DAOA: variants seen among roughly 807,000 people sequenced by gnomAD.
DAOA encodes D-amino acid oxidase activator, also known as D-amino acid oxidase regulator.
Under a neutral mutation model 16.4 loss-of-function variants are expected in DAOA, and 15 were observed. The ratio of observed to expected loss-of-function variants is 0.91; its 90% CI spans 0.61 to 1.41. DAOA has a LOEUF of 1.41. DAOA is among the 40% of genes most tolerant of loss of function. The pLI, the probability that DAOA is intolerant of heterozygous loss-of-function variation, is 0.00. For synonymous variants in DAOA, 75 were observed against 59.1 expected (o/e 1.27, Z -1.23); for missense variants, 230 against 176.8 (o/e 1.30, Z -1.71).
intron 4 of DAOA, among the ~76,000 whole-genome samples, chr13:105,475,503 G>A (rs1054516141): frequency 1.4e-5 from 2 of 146,064 alleles, no homozygotes; most frequent in Non-Finnish European, 2.9e-5. Flanking sequence ...GAGGAGTTAC[G>A]TTTTATGAGA....
chr13:105,466,971 T>C, intron 2 of DAOA, 82 bp from the exon 3 acceptor site: 2 of 1,496,982 alleles, frequency 1.3e-6, no homozygotes, highest in East Asian at 2.4e-5. Context: ...TGTTATATGC[T>C]CCATTGATGT....
chr13:105,472,066 G>A (rs753226600), intron 3 of DAOA, among the ~76,000 whole-genome samples: 11 of 152,168 alleles, frequency 7.2e-5, no homozygotes, highest in Admixed American at 2.0e-4. Flanking sequence ...GGTCAACACC[G>A]GAGGAAAGGC....
At chr13:105,487,661 A>G (rs1029861491) in intron 4 of DAOA, among the ~76,000 whole-genome samples, 1 of 152,146 alleles carries the variant, frequency 6.6e-6, no homozygotes, top group Non-Finnish European at 1.5e-5. Flanking sequence ...TCATTATTTG[A>G]AGTGAAAACT....
intron 4 of DAOA, among the ~76,000 whole-genome samples, chr13:105,473,075 A>T (rs947170528): frequency 3.9e-5 from 6 of 152,076 alleles, no homozygotes; most frequent in African/African-American, 1.4e-4. Context: ...ATTGAGAGGG[A>T]AATATGTGAA....
chr13:105,473,057 T>C (rs1341400), intron 4 of DAOA, among the ~76,000 whole-genome samples: 149,259 of 152,140 alleles, frequency 0.98, 73,264 homozygotes, highest in East Asian at 1. Flanking sequence ...CTTTAGAACC[T>C]CAAGGCTATT....
intron 4 of DAOA, among the ~76,000 whole-genome samples, chr13:105,483,186 T>G (rs1489364165): frequency 6.6e-6 from 1 of 152,202 alleles, no homozygotes; most frequent in Admixed American, 6.5e-5. Flanking sequence ...AGTATAATTA[T>G]TTTTAGTCTC....
chr13:105,487,328 A>T (rs74114229), intron 4 of DAOA, among the ~76,000 whole-genome samples: 10,819 of 152,112 alleles, frequency 0.071, 820 homozygotes, highest in African/African-American at 0.19. Context: ...GTTCTTTTTT[A>T]AAAAAGTGAT....
chr13:105,472,326 C>A (rs532378759), intron 3 of DAOA, among the ~76,000 whole-genome samples: 1 of 152,154 alleles, frequency 6.6e-6, no homozygotes, highest in Non-Finnish European at 1.5e-5. Context: ...AGCCACCCTT[C>A]GTTTGGGCTT....
At chr13:105,471,706 A>G (rs772008946) in intron 3 of DAOA, among the ~76,000 whole-genome samples, 3 of 152,252 alleles carry the variant, frequency 2.0e-5, no homozygotes, top group Non-Finnish European at 4.4e-5. Flanking sequence ...AAAATCATCT[A>G]CAGGTAAAAC....
At chr13:105,474,606 C>T (rs1877214931) in intron 4 of DAOA, among the ~76,000 whole-genome samples, 2 of 152,188 alleles carry the variant, frequency 1.3e-5, no homozygotes, top group African/African-American at 2.4e-5. Context: ...GATTGACTGA[C>T]TAAAGCCAGC....
intron 4 of DAOA, chr13:105,477,112 C>G (rs112311716): frequency 6.6e-6 from 1 of 152,158 alleles, no homozygotes; most frequent in East Asian, 1.9e-4. Context: ...ATCTTTCAAT[C>G]AGGCTCATTT....
Position 105,472,191 on chromosome 13 carries a change from G to A in DAOA, c.134-347G>A, listed in dbSNP as rs566996598. Among the ~76,000 whole-genome samples, 5 of 152,294 alleles carry A rather than the reference G, an allele frequency of 3.3e-5. 1 individual carries two copies. The East Asian group carries it at 9.6e-4, about 29-fold the overall frequency. On this transcript the variant is annotated intron_variant, in intron 3 of 5. Coordinates refer to ENST00000375936, the MANE Select transcript of DAOA (RefSeq NM_172370.5). Reference sequence around the variant, plus strand: ...GCTATGCACATGTTATTTAAGTATGGTATAGGCAATCCATTTCATGAGGAA... The same window carrying A: ...GCTATGCACATGTTATTTAAGTATGATATAGGCAATCCATTTCATGAGGAA...
At chr13:105,476,262 C>T (rs1730966130) in intron 4 of DAOA, among the ~76,000 whole-genome samples, 1 of 152,060 alleles carries the variant, frequency 6.6e-6, no homozygotes, top group African/African-American at 2.4e-5. Context: ...AACATCCAGG[C>T]ACTGGAATTT....
intron 3 of DAOA, among the ~76,000 whole-genome samples, chr13:105,471,414 G>T (rs1876947980): frequency 6.6e-6 from 1 of 152,126 alleles, no homozygotes; most frequent in Non-Finnish European, 1.5e-5. Flanking sequence ...GCACAGATTT[G>T]ATATGAAGTT....
At chr13:105,483,728 T>C (rs1350693298) in intron 4 of DAOA, among the ~76,000 whole-genome samples, 2 of 152,124 alleles carry the variant, frequency 1.3e-5, no homozygotes, top group East Asian at 1.9e-4. Context: ...TTATACTTTC[T>C]GGATACAAAT....
chr13:105,488,162 C>G (rs918527613), intron 4 of DAOA, among the ~76,000 whole-genome samples: 2 of 152,178 alleles, frequency 1.3e-5, no homozygotes, highest in Non-Finnish European at 1.5e-5. Context: ...TAATTTCAAT[C>G]TGGTCTTCTT....
Position 105,482,110 on chromosome 13 carries a change from G to A in DAOA, c.282-7791G>A, listed in dbSNP as rs188233273. 2.3e-3 allele frequency among the ~76,000 whole-genome samples: 355 copies of A among 152,146 alleles called. 2 individuals are homozygous for A. The highest frequency in any genetic ancestry group is 8.3e-3 in the African/African-American group (345 of 41,520). On this transcript the variant is annotated intron_variant, in intron 4 of 5. Coordinates refer to ENST00000375936, the MANE Select transcript of DAOA (RefSeq NM_172370.5). The stretch of plus-strand genomic sequence containing the variant: ...AGACTTATTCACTATCACAAGAACA[G>A]CACAGGAAAGACCTGCCCCCATGAT...
At chr13:105,471,339 A>ATG (rs1162008515) in intron 3 of DAOA, among the ~76,000 whole-genome samples, 1,956 of 9,244 alleles carry the variant, frequency 0.21, 43 homozygotes, top group Admixed American at 0.23. Flanking sequence ...AAGGTGAAGG[A>ATG]TATGAGTCGA....
At chr13:105,474,832 G>T (rs1230532700) in intron 4 of DAOA, 4 of 196,578 alleles carry the variant, frequency 2.0e-5, no homozygotes, top group Non-Finnish European at 3.7e-5. Flanking sequence ...TTTCACAAGT[G>T]TCCTTAAGGC....
Sources: gnomAD v4.1 joint callset for allele counts (sites outside exome capture counted in the v4.1 genomes callset) on GRCh38, gnomAD v4.1.1 for gene constraint, MANE v1.5 for transcripts, NCBI Gene and HGNC (gene_info 2026-07-23, HGNC 2026-07-21) for gene names.